Variants in GSE1 observed in about 807,000 individuals in gnomAD.
GSE1 encodes genetic suppressor element 1.
In GSE1, 32 loss-of-function variants were observed where a neutral mutation model predicts 112.6. The ratio of observed to expected loss-of-function variants is 0.28; its 90% confidence interval spans 0.21 to 0.38. GSE1 has a LOEUF of 0.38. Ranked by LOEUF, GSE1 falls within the 10% of genes least tolerant of loss-of-function variation. The pLI is 1.00. For synonymous variants in GSE1, 1,115 were observed against 735.6 expected (o/e 1.52, Z -8.35); for missense variants, 2,348 against 1,699.2 (o/e 1.38, Z -6.71).
chr16:85,356,605 G>C (rs1355091724), intron 1 of GSE1, among the ~76,000 whole-genome samples: 3 of 152,210 alleles, frequency 2.0e-5, no homozygotes, highest in Non-Finnish European at 2.9e-5. Flanking sequence ...CTGTTCTCCT[G>C]CAATAAATGA....
At chr16:85,170,089 G>C in exon 1 of GSE1, 1 of 985,060 alleles carries the variant, frequency 1.0e-6, no homozygotes, top group Non-Finnish European at 1.2e-6. Flanking sequence ...CGACCCGCCC[G>C]CGCGGGACGC....
chr16:85,506,203 T>C (rs1597991094), intron 2 of GSE1, among the ~76,000 whole-genome samples: 1 of 152,290 alleles, frequency 6.6e-6, no homozygotes, highest in East Asian at 1.9e-4. Context: ...CTGTGTGTGG[T>C]GCGTCCCTGA....
chr16:85,576,543 G>A (rs1320497514), intron 1 of GSE1, among the ~76,000 whole-genome samples: 1 of 152,144 alleles, frequency 6.6e-6, no homozygotes, highest in Non-Finnish European at 1.5e-5. Context: ...TCTTCCTCTA[G>A]CAAGTCCCGA....
intron 2 of GSE1, among the ~76,000 whole-genome samples, chr16:85,509,263 C>T (rs534634298): frequency 2.0e-5 from 3 of 152,258 alleles, no homozygotes; most frequent in Admixed American, 6.5e-5. Context: ...CAGCTTTGGG[C>T]GGCGGTAACA....
intron 1 of GSE1, among the ~76,000 whole-genome samples, chr16:85,587,779 T>G (rs576742176): frequency 6.6e-6 from 1 of 152,006 alleles, no homozygotes; most frequent in Non-Finnish European, 1.5e-5. Context: ...TACAGGACTT[T>G]CCTGCCGGTT....
chr16:85,590,399 C>T (rs1567622432), intron 1 of GSE1, among the ~76,000 whole-genome samples: 1 of 145,824 alleles, frequency 6.9e-6, no homozygotes, highest in African/African-American at 2.6e-5. Flanking sequence ...ACATGTGTGA[C>T]ATTGTGTGTG....
At chr16:85,593,194 G>T (rs2047069744) in intron 1 of GSE1, 2 of 152,288 alleles carry the variant, frequency 1.3e-5, no homozygotes, top group African/African-American at 4.8e-5. Context: ...GGTCATTGTG[G>T]TGGCTGCCGC....
chr16:85,337,080 G>C (rs1033070012), intron 1 of GSE1, among the ~76,000 whole-genome samples: 54 of 152,298 alleles, frequency 3.5e-4, no homozygotes, highest in Admixed American at 3.1e-3. Context: ...TCTGCCCCCA[G>C]CATCGAGGGG....
chr16:85,338,783 A>G (rs2046559677), intron 1 of GSE1, among the ~76,000 whole-genome samples: 1 of 152,132 alleles, frequency 6.6e-6, no homozygotes, highest in African/African-American at 2.4e-5. Context: ...GAGAGGTTTA[A>G]TCACTTCCCC....
chr16:85,576,995 C>G (rs1482190784), intron 1 of GSE1, among the ~76,000 whole-genome samples: 7 of 152,160 alleles, frequency 4.6e-5, no homozygotes, highest in African/African-American at 1.7e-4. Context: ...TCTTGATTAT[C>G]ACAGTCAGGA....
chr16:85,492,179 G>C (rs909914397), intron 2 of GSE1, among the ~76,000 whole-genome samples: 4 of 152,188 alleles, frequency 2.6e-5, no homozygotes, highest in Admixed American at 2.0e-4. Flanking sequence ...CTTTTTGGCG[G>C]GGACACAGGG....
chr16:85,665,752 T>G (rs746582673), intron 12 of GSE1, among the ~76,000 whole-genome samples: 3 of 152,208 alleles, frequency 2.0e-5, no homozygotes, highest in Non-Finnish European at 4.4e-5. Context: ...TGGATCTGCT[T>G]CTTCCTTCTT....
intron 2 of GSE1, among the ~76,000 whole-genome samples, chr16:85,381,127 T>A (rs144753314): frequency 4.1e-4 from 62 of 152,308 alleles, no homozygotes; most frequent in Non-Finnish European, 6.8e-4. Flanking sequence ...TCCTTTCCAG[T>A]CCCTGGCAAC....
At chr16:85,368,305 T>C (rs530100123) in intron 2 of GSE1, among the ~76,000 whole-genome samples, 19 of 152,334 alleles carry the variant, frequency 1.2e-4, no homozygotes, top group African/African-American at 4.3e-4. Context: ...CAGAACTCTT[T>C]GTGCTGGGAG....
chr16:85,293,823 G>A (rs1468907491), intron 1 of GSE1, among the ~76,000 whole-genome samples: 1 of 152,134 alleles, frequency 6.6e-6, no homozygotes, highest in Non-Finnish European at 1.5e-5. Flanking sequence ...GTGTCTTCAC[G>A]CGGCCTTCTA....
chr16:85,636,918 T>TGTGCTAACCCCCCCAGCTCCCTG (rs2050051108), intron 2 of GSE1, among the ~76,000 whole-genome samples: 1 of 150,304 alleles, frequency 6.7e-6, no homozygotes, highest in Non-Finnish European at 1.5e-5. Context: ...CCAGCTCCCC[T>TGTGCTAACCCCCCCAGCTCCCTG]GTGCTACCCC....
At position 85,661,425 on chromosome 16, in the gene GSE1, G is replaced by C; in HGVS notation, c.1920G>C (p.Lys640Asn). The C allele has an allele frequency of 6.2e-7, 1 of 1,612,142 alleles. No homozygotes were observed. The highest frequency in any genetic ancestry group is 2.2e-5 in the East Asian group (1 of 44,864). Reference sequence around the variant, plus strand: ...AGAAAGCAGAGGAGGGGCCACGGAAGCGTGAGCCTGCCCCTCTGGACAAGT... The same window carrying C: ...AGAAAGCAGAGGAGGGGCCACGGAACCGTGAGCCTGCCCCTCTGGACAAGT... Reference protein sequence around the residue: ...CPEKAEEGPRKREPAPLDKYQ... With the variant: ...CPEKAEEGPRNREPAPLDKYQ... Residue 640 changes from lysine to asparagine, a missense_variant, in exon 9 of 16, where the codon AAG (lysine) becomes AAC (asparagine). Physicochemically the swap from Lys to Asn is moderately conservative, Grantham distance 94. Transcript: ENST00000253458.
intron 1 of GSE1, among the ~76,000 whole-genome samples, chr16:85,231,409 GGGAT>G (rs56082032): frequency 0.49 from 72,899 of 147,600 alleles, 17,797 homozygotes; most frequent in Admixed American, 0.55. Context: ...GCTGGACAGA[GGGAT>G]GGATGGATGG....
chr16:85,323,532 G>T (rs1053708760), intron 1 of GSE1, among the ~76,000 whole-genome samples: 1 of 152,172 alleles, frequency 6.6e-6, no homozygotes, highest in African/African-American at 2.4e-5. Flanking sequence ...TTGCCAGGTG[G>T]ATGGCACAGC....
Sources: gnomAD v4.1 joint callset for allele counts (sites outside exome capture counted in the v4.1 genomes callset) on GRCh38, gnomAD v4.1.1 for gene constraint, MANE v1.5 for transcripts, NCBI Gene and HGNC (gene_info 2026-07-23, HGNC 2026-07-21) for gene names.